DOCK7: variants seen among roughly 807,000 people sequenced by gnomAD.
DOCK7 encodes the protein dedicator of cytokinesis 7.
In DOCK7, 138 loss-of-function variants were observed where a neutral mutation model predicts 271.0. The observed-to-expected ratio is 0.51, with a 90% CI of 0.44 to 0.59. The LOEUF is 0.59. Among genes scored for constraint, DOCK7 ranks in the 20% least tolerant of loss-of-function variants. The probability of loss-of-function intolerance (pLI) is 0.00; values close to 1 mark genes in which losing one functional copy is unlikely to be tolerated. For missense variants in DOCK7, 2,066 were observed against 2,592.4 expected (o/e 0.80, Z 4.41); for synonymous variants, 823 against 876.1 (o/e 0.94, Z 1.07).
rs528850693 is a variant in DOCK7, at chr1:62,471,075, T to C, written c.6212+2907A>G. Among the ~76,000 whole-genome samples, 344 of 152,286 alleles carry C rather than the reference T, an allele frequency of 2.3e-3. 2 individuals are homozygous for C. Among genetic ancestry groups the C allele is most frequent in the African/African-American group, 7.9e-3 (328 of 41,546 alleles). On this transcript the variant is annotated intron_variant, in intron 48 of 49. Transcript: ENST00000635253. ...CTTCCACTTAATGAAGAGTAAAATA[T>C]ATTTTCTCTTCCTTATGATTTTCTT...
At chr1:62,579,063 T>G (rs1337582985) in intron 16 of DOCK7, 97 bp from the exon 17 acceptor site, 9 of 1,208,604 alleles carry the variant, frequency 7.4e-6, no homozygotes, top group Non-Finnish European at 9.7e-6. Context: ...TTAAGATTCA[T>G]GTTTAATTTT....
At chr1:62,521,846 G>T (rs1409221454) in intron 31 of DOCK7, among the ~76,000 whole-genome samples, 1 of 152,040 alleles carries the variant, frequency 6.6e-6, no homozygotes, top group Admixed American at 6.6e-5. Flanking sequence ...CACAGTGGCA[G>T]GCACCTGTAA....
intron 15 of DOCK7, 140 bp downstream of exon 15, chr1:62,586,366 CT>C (rs1647524275): frequency 1.7e-6 from 1 of 592,318 alleles, no homozygotes. Flanking sequence ...TCATTACTAT[CT>C]ATACAGAAAG....
intron 20 of DOCK7, 76 bp downstream of exon 20, chr1:62,558,913 G>C (rs1179521994): frequency 1.4e-6 from 1 of 740,364 alleles, no homozygotes; most frequent in African/African-American, 1.9e-5. Context: ...TAGAAATCAT[G>C]TTTTTTTTTT....
Position 62,688,288 on chromosome 1 carries a change from C to A in DOCK7, c.-24G>T. 8.0e-7 allele frequency: 1 copy of A among 1,257,502 alleles called. No homozygotes were observed. Among genetic ancestry groups the A allele is most frequent in the South Asian group, 2.8e-5 (1 of 35,876 alleles). 77.9% of individuals were successfully genotyped at this position (1,257,502 alleles called of 1,614,324 possible). A position where few individuals can be genotyped will look rare whatever the true frequency, so the allele number is the denominator to read the frequency against. The stretch of plus-strand genomic sequence containing the variant: ...ATGGCTGCTGCGGCGACGGCGACGG[C>A]GGCGGCGGCTGCGGCGGGCCGGGTG... On this transcript the variant is annotated 5_prime_UTR_variant, in exon 1 of 50. Transcript: ENST00000635253.
chr1:62,504,818 T>C (rs1646892473), intron 36 of DOCK7, 36 bp from the exon 37 acceptor site: 1 of 1,602,686 alleles, frequency 6.2e-7, no homozygotes, highest in Non-Finnish European at 8.5e-7. Context: ...ACTGAATTTT[T>C]ACAGTAAAAG....
At chr1:62,626,886 CTA>C (rs1312094171) in intron 11 of DOCK7, among the ~76,000 whole-genome samples, 1 of 152,090 alleles carries the variant, frequency 6.6e-6, no homozygotes, top group Non-Finnish European at 1.5e-5. Flanking sequence ...ACAACTCATT[CTA>C]TGAGGCCAGT....
At chr1:62,608,991 CT>C (rs1651400615) in intron 14 of DOCK7, 1 of 151,962 alleles carries the variant, frequency 6.6e-6, no homozygotes, top group African/African-American at 2.4e-5. Flanking sequence ...ATCAAATTTC[CT>C]TGTGATTTTT....
chr1:62,565,661 T>C (rs1646488656), intron 18 of DOCK7, among the ~76,000 whole-genome samples: 1 of 152,194 alleles, frequency 6.6e-6, no homozygotes, highest in African/African-American at 2.4e-5. Flanking sequence ...AAGACAAGGA[T>C]GCCCTCTCTC....
At chr1:62,561,766 C>T (rs1331400049) in intron 18 of DOCK7, 63 bp from the exon 19 acceptor site, 2 of 942,702 alleles carry the variant, frequency 2.1e-6, no homozygotes, top group African/African-American at 3.5e-5. Flanking sequence ...TGAAAATAAA[C>T]AAAAATTACA....
intron 2 of DOCK7, among the ~76,000 whole-genome samples, chr1:62,659,250 A>G (rs1398104417): frequency 6.6e-6 from 1 of 152,212 alleles, no homozygotes; most frequent in Non-Finnish European, 1.5e-5. Context: ...AAAAATGTTT[A>G]AGACAATTAT....
At chr1:62,500,190 C>A (rs1008343353) in intron 37 of DOCK7, among the ~76,000 whole-genome samples, 1 of 151,784 alleles carries the variant, frequency 6.6e-6, no homozygotes, top group Non-Finnish European at 1.5e-5. Context: ...ATAAAACAGA[C>A]GAAAATTCTA....
intron 31 of DOCK7, among the ~76,000 whole-genome samples, chr1:62,527,390 T>C (rs1425476070): frequency 6.6e-6 from 1 of 152,160 alleles, no homozygotes; most frequent in Non-Finnish European, 1.5e-5. Context: ...TTATAAATCA[T>C]GCTGCTGTAA....
intron 43 of DOCK7, chr1:62,483,817 G>C (rs956738496): frequency 1.3e-5 from 2 of 152,322 alleles, no homozygotes; most frequent in African/African-American, 4.8e-5. Context: ...CTGAACTAAA[G>C]CGATCCTCCC....
chr1:62,567,996 A>C (rs2149458125), intron 18 of DOCK7, among the ~76,000 whole-genome samples: 1 of 152,324 alleles, frequency 6.6e-6, no homozygotes, highest in East Asian at 1.9e-4. Flanking sequence ...AACTGATCAC[A>C]TAATTGGAAG....
At chr1:62,630,817 CA>C (rs924518445) in intron 11 of DOCK7, among the ~76,000 whole-genome samples, 18 of 144,072 alleles carry the variant, frequency 1.2e-4, no homozygotes, top group Non-Finnish European at 2.0e-4. Flanking sequence ...GAGAAAAAGG[CA>C]AAAAAAAAGA....
intron 34 of DOCK7, among the ~76,000 whole-genome samples, chr1:62,508,661 T>C (rs1014589071): frequency 6.6e-5 from 10 of 152,178 alleles, no homozygotes; most frequent in Non-Finnish European, 1.5e-4. Flanking sequence ...CATTTCACAA[T>C]TGTACACATA....
At chr1:62,487,117 G>A in intron 43 of DOCK7, 1 of 274,110 alleles carries the variant, frequency 3.6e-6, no homozygotes, top group Admixed American at 4.9e-5. Context: ...TGAGAGAAAT[G>A]CTTCAAAGGG....
rs373615858 is a variant in DOCK7, at chr1:62,492,764, T to C, written c.5301A>G (p.Lys1767=). Residue 1767 remains lysine, a synonymous_variant, in exon 41 of 50, where the codon AAA becomes AAG. Coordinates refer to ENST00000635253, the MANE Select transcript of DOCK7 (RefSeq NM_001367561.1). ...CCACAAGTCCTGACTCAGTAAAGTA[T>C]TTTCCAGAGCAGATACCTTCTTCAT... The part of the protein sequence containing the change: ...SPDEEGICSG[K]YFTESGLVGL... 2 of 1,614,102 alleles carry C rather than the reference T, an allele frequency of 1.2e-6. No homozygotes were observed. The highest frequency in any genetic ancestry group is 4.5e-5 in the East Asian group (2 of 44,856).
Sources: allele counts gnomAD v4.1 joint callset (sites outside exome capture counted in the v4.1 genomes callset), GRCh38; gene constraint gnomAD v4.1.1; transcripts MANE v1.5; gene names NCBI Gene and HGNC (gene_info 2026-07-23, HGNC 2026-07-21).